Variants in SSBP3 observed in about 807,000 individuals in gnomAD.
SSBP3 encodes the protein single stranded DNA binding protein 3.
A neutral mutation model predicts 69.6 loss-of-function variants in SSBP3; 5 were observed. The ratio of observed to expected loss-of-function variants is 0.07; its 90% CI spans 0.04 to 0.15. SSBP3 has a LOEUF of 0.15. SSBP3 is among the 10% of genes least tolerant of loss of function. The probability of loss-of-function intolerance (pLI) is 1.00; values close to 1 mark genes in which losing one functional copy is unlikely to be tolerated. For missense variants in SSBP3, 312 were observed against 534.0 expected, an observed-to-expected ratio of 0.58 and a Z score of 4.10; for synonymous variants, 196 against 193.4, an observed-to-expected ratio of 1.01 and a Z score of -0.11.
chr1:54,393,109 G>C (rs965059054), intron 4 of SSBP3, among the ~76,000 whole-genome samples: 4 of 152,196 alleles, frequency 2.6e-5, no homozygotes, highest in Non-Finnish European at 4.4e-5. Flanking sequence ...CAGATTCCTA[G>C]AAAATGAGAA....
rs1644624838 is a variant in SSBP3, at chr1:54,240,902, T to C, written c.856+3A>G. 1 of 1,611,234 alleles carries C rather than the reference T, an allele frequency of 6.2e-7. No homozygotes were observed. The highest frequency in any genetic ancestry group is 1.7e-5 in the Admixed American group (1 of 59,896). On this transcript the variant is annotated splice_donor_region_variant and intron_variant, in intron 13 of 17. Coordinates refer to ENST00000610401, the Ensembl canonical transcript of SSBP3. ...CCCCCACTTTCCCCTCAAGCGCTCT[T>C]ACCTGCGGGACTGGGCATAATGGGT...
At chr1:54,401,305 A>G (rs1649274149) in intron 4 of SSBP3, among the ~76,000 whole-genome samples, 1 of 152,192 alleles carries the variant, frequency 6.6e-6, no homozygotes, top group Non-Finnish European at 1.5e-5. Flanking sequence ...TTTGGCCACA[A>G]GATTATGAAC....
intron 4 of SSBP3, among the ~76,000 whole-genome samples, chr1:54,288,349 G>A (rs961067233): frequency 2.6e-5 from 4 of 152,210 alleles, no homozygotes; most frequent in South Asian, 4.1e-4. Context: ...CTGCTCCAGT[G>A]ACACTGTGGA....
rs930842496 is a variant in SSBP3, at chr1:54,245,498, T to C, written c.652-2199A>G. Among the ~76,000 whole-genome samples the C allele has an allele frequency of 5.3e-5, 8 of 152,188 alleles. No homozygotes were observed. In the South Asian group the frequency reaches 1.2e-3, roughly 24 times the overall value. The stretch of plus-strand genomic sequence containing the variant: ...AGCCAATATTGGGCTGATAGTGGGT[T>C]CTGCATCCAGGGATCATCTTCCAAA... On this transcript the variant is annotated intron_variant, in intron 9 of 17. Transcript: ENST00000610401.
intron 4 of SSBP3, among the ~76,000 whole-genome samples, chr1:54,385,444 T>TA (rs1232645708): frequency 6.6e-6 from 1 of 152,130 alleles, no homozygotes; most frequent in East Asian, 1.9e-4. Flanking sequence ...TTCTCTCTCC[T>TA]AGCACTGTCC....
intron 17 of SSBP3, among the ~76,000 whole-genome samples, 180 bp downstream of exon 17, chr1:54,228,075 C>A (rs914130509): frequency 7.2e-5 from 11 of 152,220 alleles, no homozygotes; most frequent in African/African-American, 2.7e-4. Flanking sequence ...CACCAGCAGG[C>A]AGTCTCAGGG....
intron 4 of SSBP3, among the ~76,000 whole-genome samples, chr1:54,294,902 A>G (rs2017493): frequency 0.48 from 73,251 of 151,788 alleles, 18,891 homozygotes; most frequent in East Asian, 0.85. Context: ...GTAGGGTACC[A>G]CCCTGCGATA....
chr1:54,405,010 G>C (rs1649611190), intron 1 of SSBP3, 80 bp from the exon 2 acceptor site: 1 of 1,300,890 alleles, frequency 7.7e-7, no homozygotes, highest in South Asian at 1.2e-5. Context: ...TTGCCAGCAG[G>C]CTTTGAGCCC....
chr1:54,404,315 G>C (rs1649534172), intron 3 of SSBP3, among the ~76,000 whole-genome samples: 1 of 152,166 alleles, frequency 6.6e-6, no homozygotes. Flanking sequence ...TAGAGCCCCA[G>C]AGTGAAATGT....
intron 13 of SSBP3, among the ~76,000 whole-genome samples, chr1:54,240,105 C>CGCGCGCGCGT (rs1412574762): frequency 1.0e-4 from 1 of 9,798 alleles, no homozygotes; most frequent in African/African-American, 2.6e-4. Flanking sequence ...CGCGCGTGTG[C>CGCGCGCGCGT]GTGCGCGCGC....
At chr1:54,336,046 C>G (rs1646501693) in intron 4 of SSBP3, among the ~76,000 whole-genome samples, 1 of 152,224 alleles carries the variant, frequency 6.6e-6, no homozygotes, top group Non-Finnish European at 1.5e-5. Flanking sequence ...CTTAACCTCT[C>G]TGAGCTTCAG....
chr1:54,320,216 A>G (rs1053779788), intron 4 of SSBP3, among the ~76,000 whole-genome samples: 1 of 152,222 alleles, frequency 6.6e-6, no homozygotes, highest in African/African-American at 2.4e-5. Context: ...GAGATGAGAA[A>G]TGGGGTGACA....
intron 13 of SSBP3, among the ~76,000 whole-genome samples, chr1:54,240,112 G>GCA (rs1333710160): frequency 2.6e-3 from 41 of 15,820 alleles, no homozygotes; most frequent in African/African-American, 0.012. Flanking sequence ...GTGCGTGCGC[G>GCA]CGCGCGCGCA....
chr1:54,302,188 G>C (rs1645814864), intron 4 of SSBP3, among the ~76,000 whole-genome samples: 1 of 152,232 alleles, frequency 6.6e-6, no homozygotes, highest in South Asian at 2.1e-4. Flanking sequence ...AGGAGGACAG[G>C]AACAGGACAA....
chr1:54,259,635 C>T (rs1644983552), intron 5 of SSBP3, among the ~76,000 whole-genome samples: 1 of 152,232 alleles, frequency 6.6e-6, no homozygotes, highest in African/African-American at 2.4e-5. Context: ...GGTAGGGTTT[C>T]CCCCTTGGCC....
intron 4 of SSBP3, among the ~76,000 whole-genome samples, chr1:54,304,259 C>T (rs1464010065): frequency 1.3e-5 from 2 of 152,146 alleles, no homozygotes; most frequent in East Asian, 1.9e-4. Context: ...GAACAGGCGG[C>T]GAGGCTGTTT....
chr1:54,384,103 C>G (rs535390577), intron 4 of SSBP3, among the ~76,000 whole-genome samples: 33 of 50,868 alleles, frequency 6.5e-4, no homozygotes, highest in Admixed American at 1.6e-3. Flanking sequence ...AAGACTCCAT[C>G]TCAAAAAAAA....
At chr1:54,308,034 G>T (rs1038055620) in intron 4 of SSBP3, among the ~76,000 whole-genome samples, 1 of 152,166 alleles carries the variant, frequency 6.6e-6, no homozygotes, top group Admixed American at 6.5e-5. Flanking sequence ...CCCTCTCTTG[G>T]GGTCTGGATT....
upstream of SSBP3, among the ~76,000 whole-genome samples, chr1:54,408,884 T>C (rs1233884456): frequency 1.3e-5 from 2 of 152,048 alleles, no homozygotes; most frequent in Non-Finnish European, 2.9e-5. Context: ...AGCTGCACGA[T>C]GGTTGGTAGA....
Sources: gnomAD v4.1 joint callset for allele counts (sites outside exome capture counted in the v4.1 genomes callset) on GRCh38, gnomAD v4.1.1 for gene constraint, MANE v1.5 for transcripts, NCBI Gene and HGNC (gene_info 2026-07-23, HGNC 2026-07-21) for gene names.